ULK4: variants seen among roughly 807,000 people sequenced by gnomAD.
ULK4 encodes the protein unc-51 like kinase 4.
A neutral mutation model predicts 160.6 loss-of-function variants in ULK4; 133 were observed. The observed-to-expected ratio is 0.83, with a 90% CI of 0.72 to 0.96. The LOEUF is 0.96. ULK4 is among the 40% of genes least tolerant of loss of function. The pLI is 0.00. For missense variants in ULK4, 1,580 were observed against 1,499.5 expected, an observed-to-expected ratio of 1.05 and a Z score of -0.89; for synonymous variants, 534 against 539.8, an observed-to-expected ratio of 0.99 and a Z score of 0.15.
At chr3:41,445,614 G>A (rs995009975) in intron 34 of ULK4, among the ~76,000 whole-genome samples, 2 of 152,152 alleles carry the variant, frequency 1.3e-5, no homozygotes, top group Non-Finnish European at 2.9e-5. Flanking sequence ...ACAAAAACAA[G>A]AAATGGGGAA....
chr3:41,663,917 A>T (rs959589197), intron 29 of ULK4, among the ~76,000 whole-genome samples: 1 of 152,230 alleles, frequency 6.6e-6, no homozygotes, highest in African/African-American at 2.4e-5. Context: ...ATAGAAAGAC[A>T]AAAGGAAAAA....
intron 5 of ULK4, among the ~76,000 whole-genome samples, chr3:41,929,351 A>G (rs1699498807): frequency 6.6e-6 from 1 of 152,202 alleles, no homozygotes. Context: ...TCAAAATAAT[A>G]AGAGCTATTT....
chr3:41,368,788 T>TTGAATTACA (rs2081303690), intron 35 of ULK4, among the ~76,000 whole-genome samples: 1 of 152,272 alleles, frequency 6.6e-6, no homozygotes, highest in Non-Finnish European at 1.5e-5. Flanking sequence ...CCTTCATCAA[T>TTGAATTACA]TGAATTACAT....
At chr3:41,802,359 A>G (rs949077236) in intron 19 of ULK4, among the ~76,000 whole-genome samples, 3 of 152,176 alleles carry the variant, frequency 2.0e-5, no homozygotes, top group Admixed American at 6.6e-5. Flanking sequence ...GTACAATGGC[A>G]GGATCACAGC....
chr3:41,533,812 T>C (rs1307496326), intron 32 of ULK4, among the ~76,000 whole-genome samples: 2 of 152,204 alleles, frequency 1.3e-5, no homozygotes, highest in African/African-American at 4.8e-5. Context: ...AAGTACACTT[T>C]CTTTTTGTTT....
chr3:41,450,870 T>C (rs776274604), intron 34 of ULK4, among the ~76,000 whole-genome samples: 1 of 152,224 alleles, frequency 6.6e-6, no homozygotes, highest in Non-Finnish European at 1.5e-5. Context: ...ATGGTTCCAA[T>C]GATAAATGTG....
chr3:41,904,204 C>T (rs1698473596), intron 12 of ULK4, among the ~76,000 whole-genome samples: 2 of 151,968 alleles, frequency 1.3e-5, no homozygotes, highest in Non-Finnish European at 1.5e-5. Flanking sequence ...AGGCCAAGGC[C>T]AGCAGATCAC....
chr3:41,882,491 G>C (rs915074421), intron 17 of ULK4, among the ~76,000 whole-genome samples: 1 of 152,162 alleles, frequency 6.6e-6, no homozygotes, highest in Admixed American at 6.5e-5. Context: ...CAACAAATCT[G>C]AAACTATCAT....
chr3:41,350,198 GTC>G (rs2080881887), intron 35 of ULK4, among the ~76,000 whole-genome samples: 1 of 152,106 alleles, frequency 6.6e-6, no homozygotes, highest in South Asian at 2.1e-4. Context: ...TTACTTAACT[GTC>G]TCTGTCTTCT....
chr3:41,509,280 A>C (rs1293383752), intron 32 of ULK4, among the ~76,000 whole-genome samples: 1 of 152,130 alleles, frequency 6.6e-6, no homozygotes, highest in African/African-American at 2.4e-5. Flanking sequence ...GAAAAGAAGA[A>C]AGAATTTTTA....
At chr3:41,770,469 CA>C (rs2039315492) in intron 21 of ULK4, among the ~76,000 whole-genome samples, 1 of 151,308 alleles carries the variant, frequency 6.6e-6, no homozygotes, top group Non-Finnish European at 1.5e-5. Context: ...GGATTACTAC[CA>C]AAAATTGTGT....
intron 32 of ULK4, among the ~76,000 whole-genome samples, chr3:41,488,050 T>C (rs1359504525): frequency 6.6e-6 from 1 of 151,978 alleles, no homozygotes; most frequent in Non-Finnish European, 1.5e-5. Flanking sequence ...AAGGAAACAA[T>C]GAGATTGGAA....
chr3:41,398,800 T>A (rs972990756), intron 34 of ULK4, among the ~76,000 whole-genome samples: 3 of 152,082 alleles, frequency 2.0e-5, no homozygotes, highest in African/African-American at 7.2e-5. Flanking sequence ...AAGTTTTTTT[T>A]ATTATTTTAT....
chr3:41,363,710 C>T (rs1229769262), intron 35 of ULK4, among the ~76,000 whole-genome samples: 1 of 152,068 alleles, frequency 6.6e-6, no homozygotes, highest in Non-Finnish European at 1.5e-5. Context: ...CTGCCATTTC[C>T]AAAGTATATA....
At chr3:41,515,728 A>T (rs1486740852) in intron 32 of ULK4, among the ~76,000 whole-genome samples, 1 of 152,216 alleles carries the variant, frequency 6.6e-6, no homozygotes, top group Non-Finnish European at 1.5e-5. Context: ...AAGGAGGGAA[A>T]GTGCCCCCAT....
chr3:41,521,500 T>G (rs770673209), intron 32 of ULK4, among the ~76,000 whole-genome samples: 5 of 152,228 alleles, frequency 3.3e-5, no homozygotes, highest in Non-Finnish European at 7.3e-5. Flanking sequence ...TAGGCACTGT[T>G]TCTTTGTAAC....
intron 1 of ULK4, among the ~76,000 whole-genome samples, chr3:41,961,245 T>C (rs928664933): frequency 1.4e-4 from 21 of 152,254 alleles, no homozygotes; most frequent in Admixed American, 1.1e-3. Flanking sequence ...AGGTGCCCAC[T>C]TTCAGCACAA....
At chr3:41,698,721 T>A (rs554526138) in intron 27 of ULK4, among the ~76,000 whole-genome samples, 2 of 152,276 alleles carry the variant, frequency 1.3e-5, no homozygotes, top group African/African-American at 4.8e-5. Context: ...ATCCTAAGTA[T>A]ACAATTCAGA....
intron 35 of ULK4, among the ~76,000 whole-genome samples, chr3:41,261,856 T>A (rs1052338945): frequency 6.6e-6 from 1 of 152,200 alleles, no homozygotes; most frequent in African/African-American, 2.4e-5. Context: ...GCTTTGCACA[T>A]CTCTCCTGGC....
Sources: gnomAD v4.1 joint callset for allele counts (sites outside exome capture counted in the v4.1 genomes callset) on GRCh38, gnomAD v4.1.1 for gene constraint, MANE v1.5 for transcripts, NCBI Gene and HGNC (gene_info 2026-07-23, HGNC 2026-07-21) for gene names.